The following IPO9 variants were observed in gnomAD, a reference collection of about 807,000 sequenced individuals.
IPO9 encodes importin 9, also known as importin-9.
IPO9 carries 28 observed loss-of-function variants against 128.6 expected under a neutral mutation model. That is an observed-to-expected ratio of 0.22 (90% CI 0.16 to 0.30). IPO9 has a LOEUF of 0.30. Ranked by LOEUF, IPO9 falls within the 10% of genes least tolerant of loss-of-function variation. The probability of loss-of-function intolerance (pLI) is 1.00; values close to 1 mark genes in which losing one functional copy is unlikely to be tolerated. For synonymous variants in IPO9, 455 were observed against 475.8 expected (o/e 0.96, Z 0.57); for missense variants, 935 against 1,293.9 (o/e 0.72, Z 4.26).
At chr1:201,857,263 G>A (rs1680346111) in intron 11 of IPO9, 69 bp downstream of exon 11, 1 of 1,055,344 alleles carries the variant, frequency 9.5e-7, no homozygotes, top group South Asian at 1.3e-5. Context: ...CTTTTTTGTA[G>A]ACAACTAATC....
At position 201,848,421 on chromosome 1, in the gene IPO9, C is replaced by G. The variant is rs1323470351; in HGVS notation, c.341C>G (p.Pro114Arg). The change falls in exon 4 of 24, where the codon CCT (proline) becomes CGT (arginine). Residue 114 changes from proline (P) to arginine (R), a missense_variant. Around this residue, in one of 3 missense-constraint regions of IPO9, gnomAD observed 741 missense variants for 1,019.1 expected, o/e 0.73. Coordinates refer to ENST00000361565, the MANE Select transcript of IPO9 (RefSeq NM_018085.5). ...RAKIVIRELLPNGLRESISKV... is the reference protein window; with the variant it reads ...RAKIVIRELLRNGLRESISKV... The stretch of plus-strand genomic sequence containing the variant: ...AAAATTGTTATCCGGGAGCTATTGC[C>G]TAATGGGTTGAGAGAATCGATAAGC... 6.2e-7 allele frequency: 1 copy of G among 1,614,124 alleles called. No homozygotes were observed. The highest frequency in any genetic ancestry group is 1.7e-5 in the Admixed American group (1 of 60,008).
In IPO9 at chr1:201,855,947, T is replaced by C; in HGVS notation, c.1122+13T>C. On this transcript the variant is annotated intron_variant, in intron 10 of 23. Transcript: ENST00000361565. ...CACTGAGGAGCAGGTAAATAATATT[T>C]GAGAGACAGTTACCATCTTGTATTT... 6.4e-7 allele frequency: 1 copy of C among 1,562,298 alleles called. No individual in the cohort carries two copies. Among genetic ancestry groups the C allele is most frequent in the Non-Finnish European group, 8.6e-7 (1 of 1,159,512 alleles).
rs1680757938 is a variant in IPO9 at position 201,876,122 on chromosome 1, CT to C, written c.*70del. 11 of 1,025,866 alleles carry C rather than the reference CT, an allele frequency of 1.1e-5. No individual in the cohort carries two copies. The highest frequency in any genetic ancestry group is 2.0e-4 in the Middle Eastern group (1 of 4,930). The allele number at this position is 1,025,866 out of a possible 1,614,324, so 63.5% of individuals were successfully genotyped here. A position where few individuals can be genotyped will look rare whatever the true frequency, so the allele number is the denominator to read the frequency against. On this transcript the variant is annotated 3_prime_UTR_variant, in exon 24 of 24. Transcript: ENST00000361565. ...AAACCATTTTGCAGCCCTCACTGGC[CT>C]TGAGATGCACTTTCTTCTCAACCTA...
intron 1 of IPO9, among the ~76,000 whole-genome samples, chr1:201,835,584 T>A (rs1679907025): frequency 6.6e-6 from 1 of 152,238 alleles, no homozygotes; most frequent in Admixed American, 6.5e-5. Flanking sequence ...CTAGAGAAAT[T>A]AAATTTCCTA....
In IPO9 at chr1:201,847,650, A is replaced by G; in HGVS notation, c.312+12A>G. The G allele has an allele frequency of 1.3e-6, 2 of 1,580,492 alleles. No individual in the cohort carries two copies. Among genetic ancestry groups the G allele is most frequent in the South Asian group, 1.1e-5 (1 of 90,422 alleles). On this transcript the variant is annotated intron_variant, in intron 3 of 23. Transcript: ENST00000361565. ...AAACTACAGAAAGGGTAAGTCAGTTACTTGATTAGTCTACCTGAGGAGATT... is the reference window on the plus strand; with the variant it reads ...AAACTACAGAAAGGGTAAGTCAGTTGCTTGATTAGTCTACCTGAGGAGATT...
rs1680234130 is a variant in IPO9, at chr1:201,852,256, G to T, written c.603+64G>T. The T allele has an allele frequency of 3.9e-6, 4 of 1,037,144 alleles. No individual in the cohort carries two copies. The Admixed American group carries it at 5.9e-5, about 15-fold the overall frequency. 64.2% of individuals were successfully genotyped at this position (1,037,144 alleles called of 1,614,324 possible). A position where few individuals can be genotyped will look rare whatever the true frequency, so the allele number is the denominator to read the frequency against. ...CTCTCTTCAGCCCCCAGCCTTTCAG[G>T]TGGGAGATTATGGTGTTTGCAACTG... On this transcript the variant is annotated intron_variant, in intron 5 of 23. Transcript: ENST00000361565.
rs752530745 is a variant in IPO9, at chr1:201,877,089, CAT to C, written c.*1037_*1038del. 2.0e-5 allele frequency: 3 copies of C among 152,348 alleles called. No homozygotes were observed. The highest frequency in any genetic ancestry group is 4.8e-5 in the African/African-American group (2 of 41,454). 9.4% of individuals were successfully genotyped at this position (152,348 alleles called of 1,614,324 possible). On this transcript the variant is annotated 3_prime_UTR_variant, in exon 24 of 24. Transcript: ENST00000361565. ...AAACATTCTAGTGTGTCTTGGCAAACATAGCCTGAAATGATTCTTAAAGAACT... is the reference window on the plus strand; with the variant it reads ...AAACATTCTAGTGTGTCTTGGCAAACAGCCTGAAATGATTCTTAAAGAACT...
At chr1:201,868,460 C>A (rs1013017244) in intron 15 of IPO9, among the ~76,000 whole-genome samples, 188 bp from the exon 16 acceptor site, 1 of 152,164 alleles carries the variant, frequency 6.6e-6, no homozygotes, top group African/African-American at 2.4e-5. Context: ...AAGTGTACCT[C>A]TTGCAGATTT....
intron 1 of IPO9, among the ~76,000 whole-genome samples, chr1:201,831,123 C>G (rs966448329): frequency 6.6e-6 from 1 of 152,186 alleles, no homozygotes; most frequent in Non-Finnish European, 1.5e-5. Flanking sequence ...CCACCTAGGC[C>G]TCCCAAAGTG....
intron 13 of IPO9, among the ~76,000 whole-genome samples, chr1:201,860,006 A>G (rs1680413036): frequency 6.6e-6 from 1 of 151,790 alleles, no homozygotes; most frequent in South Asian, 2.1e-4. Context: ...TTTCTTCCGC[A>G]ATACAGAGCA....
chr1:201,869,862 C>T (rs1048795456), intron 17 of IPO9, 144 bp downstream of exon 17: 1 of 1,088,114 alleles, frequency 9.2e-7, no homozygotes, highest in Non-Finnish European at 1.3e-6. Context: ...AGGAAGGGTT[C>T]AGTCTGCAAA....
At chr1:201,864,370 G>C (rs1571552637) in intron 14 of IPO9, among the ~76,000 whole-genome samples, 1 of 152,142 alleles carries the variant, frequency 6.6e-6, no homozygotes, top group East Asian at 1.9e-4. Flanking sequence ...CAGATCTTTG[G>C]CTCTAAAATA....
chr1:201,856,812 G>A (rs899627332), intron 10 of IPO9, among the ~76,000 whole-genome samples: 16 of 152,042 alleles, frequency 1.1e-4, no homozygotes, highest in Admixed American at 2.6e-4. Context: ...TCAGCCTCCC[G>A]AGTAGCTGAG....
intron 22 of IPO9, 100 bp from the exon 23 acceptor site, chr1:201,875,052 T>C (rs1680736099): frequency 2.2e-5 from 30 of 1,371,996 alleles, no homozygotes; most frequent in Non-Finnish European, 2.7e-5. Flanking sequence ...TTTCTTGGGC[T>C]TTTGCACCTT....
chr1:201,864,255 T>TA (rs1176089079), intron 14 of IPO9, among the ~76,000 whole-genome samples: 3 of 152,224 alleles, frequency 2.0e-5, no homozygotes, highest in Non-Finnish European at 4.4e-5. Flanking sequence ...ATGCCGTGTG[T>TA]TATATGTCAT....
chr1:201,856,049 A>G (rs533442448), intron 10 of IPO9, 115 bp downstream of exon 10: 1 of 804,894 alleles, frequency 1.2e-6, no homozygotes, highest in African/African-American at 1.8e-5. Context: ...AAAAAGAATA[A>G]TTTCATGTGA....
At chr1:201,874,480 A>T in intron 21 of IPO9, 108 bp downstream of exon 21, 1 of 1,263,882 alleles carries the variant, frequency 7.9e-7, no homozygotes, top group South Asian at 1.4e-5. Flanking sequence ...AAAAAAGTTG[A>T]TGGAATGGCT....
rs1407710002 is a variant in IPO9 at position 201,877,626 on chromosome 1, G to A, written c.*1572G>A. 6.6e-6 allele frequency: 1 copy of A among 151,910 alleles called. No homozygotes were observed. Among genetic ancestry groups the A allele is most frequent in the African/African-American group, 2.4e-5 (1 of 41,352 alleles). The allele number at this position is 151,910 out of a possible 1,614,324, so 9.4% of individuals were successfully genotyped here. On this transcript the variant is annotated 3_prime_UTR_variant, in exon 24 of 24. Coordinates refer to ENST00000361565, the MANE Select transcript of IPO9 (RefSeq NM_018085.5). ...TTCTTTAGATTGATATTCTCACAAA[G>A]AAGAAATAGAATATAGGCTGGGCGT...
chr1:201,853,126 C>A, intron 6 of IPO9, 29 bp downstream of exon 6: 1 of 1,580,352 alleles, frequency 6.3e-7, no homozygotes, highest in Non-Finnish European at 8.7e-7. Flanking sequence ...CAATAACAGA[C>A]TTCATGCTTA....
Sources: gnomAD v4.1 joint callset for allele counts (sites outside exome capture counted in the v4.1 genomes callset) on GRCh38, gnomAD v4.1.1 for gene constraint, gnomAD v4.1.1 regional missense constraint, MANE v1.5 for transcripts, NCBI Gene and HGNC (gene_info 2026-07-23, HGNC 2026-07-21) for gene names.